The following SEC63 variants were observed in gnomAD, a reference collection of about 807,000 sequenced individuals.
SEC63 encodes SEC63 protein translocation regulator.
SEC63 carries 56 observed loss-of-function variants against 116.2 expected under a neutral mutation model. That is an observed-to-expected ratio of 0.48 (90% CI 0.39 to 0.60). The LOEUF (loss-of-function observed/expected upper bound fraction) is 0.60. SEC63 is among the 20% of genes least tolerant of loss of function. The probability of loss-of-function intolerance (pLI) is 0.00; values close to 1 mark genes in which losing one functional copy is unlikely to be tolerated. For synonymous variants in SEC63, 273 were observed against 294.6 expected, an observed-to-expected ratio of 0.93 and a Z score of 0.75; for missense variants, 668 against 900.0, an observed-to-expected ratio of 0.74 and a Z score of 3.30.
rs1049868504 is a variant in SEC63, at chr6:107,871,627, T to C, written c.*77A>G. ...CCCTCAACATCAGTTCTGTACTGTT[T>C]CTGGTTTATGATACACTTCCAAAAC... On this transcript the variant is annotated 3_prime_UTR_variant, in exon 21 of 21. Coordinates refer to ENST00000369002, the MANE Select transcript of SEC63 (RefSeq NM_007214.5). 1.1e-5 allele frequency: 16 copies of C among 1,404,326 alleles called. No homozygotes were observed. Among genetic ancestry groups the C allele is most frequent in the Non-Finnish European group, 1.5e-5 (15 of 994,874 alleles). The allele number at this position is 1,404,326 out of a possible 1,614,324, so 87.0% of individuals were successfully genotyped here.
At chr6:107,895,635 C>T (rs953427468) in intron 14 of SEC63, among the ~76,000 whole-genome samples, 9 of 151,994 alleles carry the variant, frequency 5.9e-5, no homozygotes, top group African/African-American at 2.2e-4. Context: ...TGCTCAAAAA[C>T]CTCAGAGAAA....
In SEC63 at chr6:107,869,519, A is replaced by G. The variant is rs914259552; in HGVS notation, c.*2185T>C. On this transcript the variant is annotated 3_prime_UTR_variant, in exon 21 of 21. Coordinates refer to ENST00000369002, the MANE Select transcript of SEC63 (RefSeq NM_007214.5). ...AAATTGAAACTTTGCTCAAGTTTCC[A>G]TTAGATTAAATGCAAACTAGGATAG... 1 of 152,180 alleles carries G rather than the reference A, an allele frequency of 6.6e-6. No individual in the cohort carries two copies. Among genetic ancestry groups the G allele is most frequent in the Non-Finnish European group, 1.5e-5 (1 of 68,024 alleles). 9.4% of individuals were successfully genotyped at this position (152,180 alleles called of 1,614,324 possible).
intron 7 of SEC63, 120 bp from the exon 8 acceptor site, chr6:107,909,155 C>T (rs926162738): frequency 4.3e-6 from 3 of 689,994 alleles, no homozygotes; most frequent in African/African-American, 3.6e-5. Context: ...ACTGCTTGAG[C>T]CCAGGAGTTT....
chr6:107,927,664 C>A (rs1787705708), intron 2 of SEC63, among the ~76,000 whole-genome samples: 1 of 152,092 alleles, frequency 6.6e-6, no homozygotes, highest in Non-Finnish European at 1.5e-5. Flanking sequence ...TTGAACAAAG[C>A]CAGATAAGAG....
rs1478450554 is a variant in SEC63, at chr6:107,958,168, A to T, written c.-159T>A. The T allele has an allele frequency of 8.8e-7, 1 of 1,133,800 alleles. No homozygotes were observed. The highest frequency in any genetic ancestry group is 2.6e-5 in the East Asian group (1 of 38,344). 70.2% of individuals were successfully genotyped at this position (1,133,800 alleles called of 1,614,324 possible). On this transcript the variant is annotated 5_prime_UTR_variant, in exon 1 of 21. Transcript: ENST00000369002. Reference sequence around the variant, plus strand: ...CCACTCTCACGGACACGCCGCCGCCACCTCTGCCGCTGCCGCCGCCGTCGC... The same window carrying T: ...CCACTCTCACGGACACGCCGCCGCCTCCTCTGCCGCTGCCGCCGCCGTCGC...
At chr6:107,902,210 A>T (rs1156673388) in intron 12 of SEC63, among the ~76,000 whole-genome samples, 1 of 152,144 alleles carries the variant, frequency 6.6e-6, no homozygotes, top group African/African-American at 2.4e-5. Context: ...ATGAGTACTT[A>T]AAAGGACAGA....
At chr6:107,898,256 CA>C (rs10602741) in intron 13 of SEC63, among the ~76,000 whole-genome samples, 109,991 of 135,156 alleles carry the variant, frequency 0.81, 44,264 homozygotes, top group Middle Eastern at 0.91. Flanking sequence ...GACCCCATCT[CA>C]AAAAAAAAAA....
At chr6:107,934,545 C>T (rs1212395537) in intron 1 of SEC63, among the ~76,000 whole-genome samples, 1 of 139,528 alleles carries the variant, frequency 7.2e-6, no homozygotes, top group Non-Finnish European at 1.6e-5. Context: ...AAGTGAGGAG[C>T]CCCTACGCCT....
intron 1 of SEC63, among the ~76,000 whole-genome samples, chr6:107,941,744 T>G (rs1205080331): frequency 6.6e-6 from 1 of 152,250 alleles, no homozygotes; most frequent in Non-Finnish European, 1.5e-5. Flanking sequence ...TCCCAAGGAA[T>G]GAGCTTCACT....
chr6:107,874,678 CTCTT>C (rs1162279035), intron 19 of SEC63, among the ~76,000 whole-genome samples: 1 of 151,370 alleles, frequency 6.6e-6, no homozygotes, highest in Non-Finnish European at 1.5e-5. Flanking sequence ...ATGTAAAAAT[CTCTT>C]TTTTTCTTTC....
intron 1 of SEC63, among the ~76,000 whole-genome samples, chr6:107,939,072 C>T (rs1010609049): frequency 2.0e-5 from 3 of 152,080 alleles, no homozygotes; most frequent in East Asian, 3.9e-4. Context: ...CACTTGAGCT[C>T]AGGGGTGCAA....
At chr6:107,909,964 A>G (rs954738792) in intron 7 of SEC63, among the ~76,000 whole-genome samples, 3 of 152,194 alleles carry the variant, frequency 2.0e-5, no homozygotes, top group Non-Finnish European at 4.4e-5. Flanking sequence ...AGGCTTTTCT[A>G]TATGTTGCAT....
At chr6:107,897,911 C>G (rs1166828833) in intron 13 of SEC63, among the ~76,000 whole-genome samples, 180 bp from the exon 14 acceptor site, 3 of 152,110 alleles carry the variant, frequency 2.0e-5, no homozygotes, top group African/African-American at 7.2e-5. Flanking sequence ...CCAGTAGATG[C>G]TTTTAACAAT....
chr6:107,906,434 G>A lies in SEC63; in HGVS notation c.961+14C>T, dbSNP rs143606782. 9.0e-5 allele frequency: 146 copies of A among 1,613,618 alleles called. 1 individual carries two copies. In the East Asian group the frequency reaches 1.4e-3, roughly 15 times the overall value. ...ATCCCACTAAACCTCTGTAGATACC[G>A]GAATCACAAATACCTTCTTCAAGGG... is the stretch of plus-strand genomic sequence containing the variant. On this transcript the variant is annotated intron_variant, in intron 10 of 20. Coordinates refer to ENST00000369002, the MANE Select transcript of SEC63 (RefSeq NM_007214.5).
At chr6:107,902,748 A>G in intron 12 of SEC63, 96 bp downstream of exon 12, 1 of 1,159,658 alleles carries the variant, frequency 8.6e-7, no homozygotes, top group Non-Finnish European at 1.3e-6. Flanking sequence ...AATCTAAAAA[A>G]TGCATAGTAA....
At chr6:107,918,891 A>AGAAGCT (rs1787479012) in intron 4 of SEC63, among the ~76,000 whole-genome samples, 1 of 143,706 alleles carries the variant, frequency 7.0e-6, no homozygotes, top group Non-Finnish European at 1.5e-5. Context: ...GGAGTTTGGT[A>AGAAGCT]GAAGCTGATT....
intron 1 of SEC63, among the ~76,000 whole-genome samples, chr6:107,948,340 T>C (rs967855746): frequency 1.3e-5 from 2 of 152,218 alleles, no homozygotes; most frequent in African/African-American, 4.8e-5. Context: ...GGTAGCTGTA[T>C]GACTTTAGGA....
chr6:107,904,500 G>T, intron 11 of SEC63, 129 bp downstream of exon 11: 1 of 725,928 alleles, frequency 1.4e-6, no homozygotes, highest in Non-Finnish European at 2.4e-6. Flanking sequence ...AAAGACATGA[G>T]TAAAATTGAA....
chr6:107,933,209 A>G (rs1411372382), intron 1 of SEC63, among the ~76,000 whole-genome samples: 1 of 152,164 alleles, frequency 6.6e-6, no homozygotes, highest in Admixed American at 6.5e-5. Flanking sequence ...AAAGGCAAGA[A>G]AACAGATTCT....
Sources: allele counts gnomAD v4.1 joint callset (sites outside exome capture counted in the v4.1 genomes callset), GRCh38; gene constraint gnomAD v4.1.1; transcripts MANE v1.5; gene names NCBI Gene and HGNC (gene_info 2026-07-23, HGNC 2026-07-21).